CSMD1: variants seen among roughly 807,000 people sequenced by gnomAD.
CSMD1 encodes CUB and Sushi multiple domains 1.
Under a neutral mutation model 417.5 loss-of-function variants are expected in CSMD1, and 213 were observed. The ratio of observed to expected loss-of-function variants is 0.51; its 90% CI spans 0.46 to 0.57. The LOEUF is 0.57. Among genes scored for constraint, CSMD1 ranks in the 20% least tolerant of loss-of-function variants. CSMD1 has a pLI of 0.00. For synonymous variants in CSMD1, 2,862 were observed against 1,736.8 expected (o/e 1.65, Z -16.11); for missense variants, 6,923 against 4,529.7 (o/e 1.53, Z -15.17).
At chr8:3,355,804 A>T (rs570524299) in intron 21 of CSMD1, among the ~76,000 whole-genome samples, 2 of 152,312 alleles carry the variant, frequency 1.3e-5, no homozygotes, top group South Asian at 4.2e-4. Flanking sequence ...GACTTAAGCC[A>T]ATGTGGGCAA....
At chr8:4,224,257 G>A (rs368595057) in intron 3 of CSMD1, among the ~76,000 whole-genome samples, 31 of 152,094 alleles carry the variant, frequency 2.0e-4, no homozygotes, top group African/African-American at 6.5e-4. Flanking sequence ...ATTTGAAAAT[G>A]CTTGCACACG....
chr8:3,647,389 T>TACAAC (rs35443523), intron 7 of CSMD1, among the ~76,000 whole-genome samples: 2 of 151,822 alleles, frequency 1.3e-5, no homozygotes, highest in Non-Finnish European at 2.9e-5. Flanking sequence ...TAGAAAGAAA[T>TACAAC]ATAAAGAGAA....
chr8:3,375,654 G>A (rs939986755), intron 18 of CSMD1, among the ~76,000 whole-genome samples: 3 of 152,106 alleles, frequency 2.0e-5, no homozygotes, highest in African/African-American at 7.2e-5. Context: ...TAGGAAGGAG[G>A]GGAGTAAATT....
chr8:4,296,708 T>TTTG (rs1252647202), intron 3 of CSMD1, among the ~76,000 whole-genome samples: 39 of 150,312 alleles, frequency 2.6e-4, no homozygotes, highest in African/African-American at 9.5e-4. Flanking sequence ...TTTTTTTTTT[T>TTTG]TTTTTTTCTC....
chr8:4,649,890 G>A (rs1328750474), intron 1 of CSMD1, among the ~76,000 whole-genome samples: 1 of 152,120 alleles, frequency 6.6e-6, no homozygotes, highest in African/African-American at 2.4e-5. Flanking sequence ...ATATTTGCAG[G>A]TGTATGACTG....
intron 3 of CSMD1, among the ~76,000 whole-genome samples, chr8:4,184,553 C>T (rs1269523190): frequency 6.6e-6 from 1 of 152,078 alleles, no homozygotes; most frequent in African/African-American, 2.4e-5. Context: ...AAGATTATGT[C>T]CTTTGCATGA....
At chr8:3,046,365 C>T (rs1316494792) in intron 50 of CSMD1, among the ~76,000 whole-genome samples, 1 of 152,170 alleles carries the variant, frequency 6.6e-6, no homozygotes, top group Non-Finnish European at 1.5e-5. Flanking sequence ...TGTACGCCTC[C>T]TCCGGTTCCT....
At chr8:2,947,460 AT>A (rs1412907736) in intron 68 of CSMD1, among the ~76,000 whole-genome samples, 1 of 152,238 alleles carries the variant, frequency 6.6e-6, no homozygotes, top group Non-Finnish European at 1.5e-5. Flanking sequence ...GACTCAAATT[AT>A]TTTGTAAAGT....
chr8:3,275,892 G>C (rs957993320), intron 26 of CSMD1, among the ~76,000 whole-genome samples: 4 of 152,080 alleles, frequency 2.6e-5, no homozygotes, highest in Admixed American at 6.5e-5. Context: ...CTGTAGCTCA[G>C]AGTAATTTGA....
chr8:3,591,728 T>C (rs1467302852), intron 8 of CSMD1, among the ~76,000 whole-genome samples: 3 of 151,890 alleles, frequency 2.0e-5, no homozygotes, highest in Non-Finnish European at 4.4e-5. Context: ...AGAGATTAGA[T>C]GACAGATACA....
intron 3 of CSMD1, among the ~76,000 whole-genome samples, chr8:4,038,737 C>T (rs578014858): frequency 4.6e-5 from 7 of 152,268 alleles, no homozygotes; most frequent in East Asian, 3.9e-4. Context: ...GGGAATTCTG[C>T]GCCCAATGCA....
At chr8:3,397,277 C>G (rs1041320577) in intron 16 of CSMD1, among the ~76,000 whole-genome samples, 1 of 152,140 alleles carries the variant, frequency 6.6e-6, no homozygotes, top group Non-Finnish European at 1.5e-5. Context: ...GAAGCCTGTG[C>G]CATTAGCTCT....
chr8:4,874,340 A>G (rs913606683), intron 1 of CSMD1, among the ~76,000 whole-genome samples: 3 of 151,942 alleles, frequency 2.0e-5, no homozygotes, highest in African/African-American at 7.3e-5. Context: ...TTATTAATAC[A>G]TAAATGAAAA....
At chr8:4,810,327 C>A (rs549721876) in intron 1 of CSMD1, among the ~76,000 whole-genome samples, 1 of 152,152 alleles carries the variant, frequency 6.6e-6, no homozygotes, top group Admixed American at 6.5e-5. Context: ...ACTTATTTTT[C>A]TTTTGTAAAT....
intron 3 of CSMD1, among the ~76,000 whole-genome samples, chr8:4,174,264 G>A (rs1018980563): frequency 6.6e-6 from 1 of 152,152 alleles, no homozygotes; most frequent in Admixed American, 6.5e-5. Context: ...TGAATCTTCA[G>A]CAAGAATAGA....
chr8:3,757,293 G>C (rs1010481465), intron 5 of CSMD1, among the ~76,000 whole-genome samples: 3 of 152,152 alleles, frequency 2.0e-5, no homozygotes, highest in Non-Finnish European at 2.9e-5. Flanking sequence ...CGTATTTCAG[G>C]CTTTATGGGT....
intron 3 of CSMD1, among the ~76,000 whole-genome samples, chr8:4,103,406 T>G (rs1801405887): frequency 6.6e-6 from 1 of 151,380 alleles, no homozygotes; most frequent in African/African-American, 2.4e-5. Flanking sequence ...ATTCTCTATC[T>G]TTTCTAAACC....
chr8:3,613,025 T>C (rs765399736), intron 8 of CSMD1, among the ~76,000 whole-genome samples: 1 of 152,060 alleles, frequency 6.6e-6, no homozygotes, highest in Admixed American at 6.6e-5. Flanking sequence ...AATATTGACA[T>C]GTTAATAGGC....
chr8:4,917,135 G>T (rs1404576075), intron 1 of CSMD1, among the ~76,000 whole-genome samples: 1 of 152,194 alleles, frequency 6.6e-6, no homozygotes, highest in African/African-American at 2.4e-5. Flanking sequence ...GGAAGGGAAA[G>T]GGAAAGTTGG....
Sources: gnomAD v4.1 joint callset for allele counts (sites outside exome capture counted in the v4.1 genomes callset) on GRCh38, gnomAD v4.1.1 for gene constraint, MANE v1.5 for transcripts, NCBI Gene and HGNC (gene_info 2026-07-23, HGNC 2026-07-21) for gene names.